Variants in TEX11 observed in about 807,000 individuals in gnomAD.
TEX11 encodes testis-expressed protein 11.
TEX11 carries 7 observed loss-of-function variants against 84.4 expected under a neutral mutation model. That is an observed-to-expected ratio of 0.08 (90% CI 0.05 to 0.16). TEX11 has a LOEUF of 0.16. Among genes scored for constraint, TEX11 ranks in the 10% least tolerant of loss-of-function variants. The pLI is 1.00. For missense variants in TEX11, 551 were observed against 660.5 expected (o/e 0.83, Z 1.82); for synonymous variants, 264 against 222.8 (o/e 1.18, Z -1.64).
intron 18 of TEX11, among the ~76,000 whole-genome samples, chrX:70,626,044 G>A (rs189382096): frequency 2.5e-3 from 281 of 111,028 alleles, no homozygotes; most frequent in Non-Finnish European, 3.9e-3. Context: ...CACTGCGCGC[G>A]GCATATTTTC....
chrX:70,544,724 A>G (rs2088092864), intron 28 of TEX11, among the ~76,000 whole-genome samples: 1 of 107,570 alleles, frequency 9.3e-6, no homozygotes, highest in African/African-American at 3.4e-5. Context: ...CTGTAATCCC[A>G]GCTACTTGGG....
rs751778581 is a variant in TEX11 at position 70,591,634 on chromosome X, A to C, written c.2140+117T>G. ...ACAAACAAAACAACAGAAAAAAAAAACATTTGACTGGTTATCAAGTACTGC... is the reference window on the plus strand; with the variant it reads ...ACAAACAAAACAACAGAAAAAAAAACCATTTGACTGGTTATCAAGTACTGC... On this transcript the variant is annotated intron_variant, in intron 25 of 29. Coordinates refer to ENST00000374333, the MANE Select transcript of TEX11 (RefSeq NM_031276.3). 2.1e-5 allele frequency: 10 copies of C among 486,835 alleles called. No individual in the cohort carries two copies. The African/African-American group carries it at 2.2e-4, about 11-fold the overall frequency. 40.1% of individuals were successfully genotyped at this position (486,835 alleles called of 1,213,427 possible). A position where few individuals can be genotyped will look rare whatever the true frequency, so the allele number is the denominator to read the frequency against.
chrX:70,854,971 C>T (rs1021466719), intron 5 of TEX11, among the ~76,000 whole-genome samples: 6 of 109,607 alleles, frequency 5.5e-5, no homozygotes, highest in African/African-American at 2.0e-4. Flanking sequence ...TTGCTTGAGC[C>T]CGGGGTGCCA....
intron 8 of TEX11, among the ~76,000 whole-genome samples, chrX:70,812,612 G>A (rs1351656550): frequency 9.0e-6 from 1 of 111,057 alleles, no homozygotes. Flanking sequence ...GGAACCGAAG[G>A]AGATAGAGAC....
In TEX11 at chrX:70,795,808, G is replaced by A. The variant is rs188111521; in HGVS notation, c.692+10897C>T. Reference sequence around the variant, plus strand: ...TTGGGGTGCCTTCTAAGGCAGATACGGCTGCTGTGACCAAAAACATAGCAC... The same window carrying A: ...TTGGGGTGCCTTCTAAGGCAGATACAGCTGCTGTGACCAAAAACATAGCAC... On this transcript the variant is annotated intron_variant, in intron 9 of 29. Coordinates refer to ENST00000374333, the MANE Select transcript of TEX11 (RefSeq NM_031276.3). Among the ~76,000 whole-genome samples the A allele has an allele frequency of 9.0e-5, 10 of 111,299 alleles. No individual in the cohort carries two copies. The East Asian group carries it at 2.8e-3, about 31-fold the overall frequency.
At chrX:70,695,810 T>C (rs192310949) in intron 13 of TEX11, among the ~76,000 whole-genome samples, 2 of 112,035 alleles carry the variant, frequency 1.8e-5, no homozygotes, top group African/African-American at 3.2e-5. Context: ...ATACTATTCA[T>C]TTCCAGGTTT....
intron 9 of TEX11, among the ~76,000 whole-genome samples, chrX:70,754,736 G>GGAGAGAGA (rs747585067): frequency 4.6e-5 from 5 of 108,750 alleles, no homozygotes; most frequent in Admixed American, 2.0e-4. Flanking sequence ...AGGTAGCTCA[G>GGAGAGAGA]GAGAGAGAGA....
rs1253261339 is a variant in TEX11, at chrX:70,552,203, C to T, written c.2443G>A (p.Ala815Thr). ...NLVNLSVPDG[A>T]SNVELCPLEE... ...AGGGGACAGAGCTCTACATTCGACG[C>T]CCCATCTGGCACTGAGAGGTTAACC... is the stretch of plus-strand genomic sequence containing the variant. The change falls in exon 28 of 30, where the codon GCG (alanine) becomes ACG (threonine). Residue 815 changes from alanine (A) to threonine (T), a missense_variant. Physicochemically the swap from Ala to Thr is moderately conservative, Grantham distance 58 (BLOSUM62 0). Coordinates refer to ENST00000374333, the MANE Select transcript of TEX11 (RefSeq NM_031276.3). 3 of 1,210,806 alleles carry T rather than the reference C, an allele frequency of 2.5e-6. No homozygotes were observed. Among genetic ancestry groups the T allele is most frequent in the Non-Finnish European group, 2.2e-6 (2 of 895,099 alleles).
chrX:70,840,299 GC>G (rs1165455650), intron 7 of TEX11, among the ~76,000 whole-genome samples: 1 of 111,957 alleles, frequency 8.9e-6, no homozygotes, highest in Non-Finnish European at 1.9e-5. Context: ...AACTCTACAA[GC>G]CAGAAGAGAG....
chrX:70,524,553 G>GT (rs1017157201), downstream of TEX11, among the ~76,000 whole-genome samples: 3 of 112,207 alleles, frequency 2.7e-5, no homozygotes, highest in African/African-American at 6.5e-5. Context: ...CAATTAGATG[G>GT]TTTTTTTGTT....
chrX:70,544,856 A>C (rs1349757620), intron 28 of TEX11, among the ~76,000 whole-genome samples: 1 of 107,465 alleles, frequency 9.3e-6, no homozygotes, highest in Non-Finnish European at 1.9e-5. Context: ...AAAAAAAAAA[A>C]AACCCAAAAA....
chrX:70,637,948 TA>T (rs916597197), intron 17 of TEX11, among the ~76,000 whole-genome samples: 2 of 107,143 alleles, frequency 1.9e-5, no homozygotes, highest in African/African-American at 3.4e-5. Context: ...AAAATAACAT[TA>T]AAAAAAGATC....
intron 20 of TEX11, among the ~76,000 whole-genome samples, chrX:70,611,280 C>A (rs192007360): frequency 1.8e-5 from 2 of 111,497 alleles, no homozygotes; most frequent in Non-Finnish European, 3.8e-5. Flanking sequence ...CTATAAGAGA[C>A]GAGAGGAAAA....
intron 9 of TEX11, among the ~76,000 whole-genome samples, chrX:70,781,835 G>A (rs950388293): frequency 2.7e-5 from 3 of 111,606 alleles, no homozygotes; most frequent in Non-Finnish European, 3.8e-5. Flanking sequence ...CCAAATCTAC[G>A]TTTGATTGGT....
chrX:70,755,184 T>C (rs2090858473), intron 9 of TEX11, among the ~76,000 whole-genome samples: 1 of 112,343 alleles, frequency 8.9e-6, no homozygotes, highest in African/African-American at 3.2e-5. Context: ...AGACAGGGAA[T>C]TGAAAATAGC....
intron 15 of TEX11, among the ~76,000 whole-genome samples, chrX:70,672,174 T>A (rs1418910125): frequency 9.0e-6 from 1 of 110,752 alleles, no homozygotes; most frequent in East Asian, 2.8e-4. Context: ...ATCCCCATTA[T>A]TGCATCTATC....
intron 3 of TEX11, among the ~76,000 whole-genome samples, chrX:70,876,933 C>T (rs1207079128): frequency 9.4e-6 from 1 of 106,346 alleles, no homozygotes; most frequent in East Asian, 2.8e-4. Flanking sequence ...ACAAACAAAC[C>T]CAAACTCTTG....
chrX:70,758,042 G>T (rs766412949), intron 9 of TEX11, among the ~76,000 whole-genome samples: 1 of 111,684 alleles, frequency 9.0e-6, no homozygotes, highest in South Asian at 3.8e-4. Context: ...ATTACATAAT[G>T]GTAAAAGGAT....
chrX:70,792,121 G>A (rs1376977363), intron 9 of TEX11, among the ~76,000 whole-genome samples: 1 of 62,367 alleles, frequency 1.6e-5, no homozygotes, highest in Non-Finnish European at 3.0e-5. Flanking sequence ...GCAAAACTCC[G>A]TCTCAAAAAA....
Sources: allele counts gnomAD v4.1 joint callset (sites outside exome capture counted in the v4.1 genomes callset), GRCh38; gene constraint gnomAD v4.1.1; transcripts MANE v1.5; gene names NCBI Gene and HGNC (gene_info 2026-07-23, HGNC 2026-07-21).